The following MAN1C1 variants were observed in gnomAD, a reference collection of about 807,000 sequenced individuals.
MAN1C1 encodes mannosyl-oligosaccharide 1,2-alpha-mannosidase IC.
MAN1C1 carries 49 observed loss-of-function variants against 71.5 expected under a neutral mutation model. The observed-to-expected ratio is 0.69, with a 90% confidence interval of 0.54 to 0.87. The LOEUF (loss-of-function observed/expected upper bound fraction) is 0.87. Among genes scored for constraint, MAN1C1 ranks in the 40% least tolerant of loss-of-function variants. The pLI, the probability that MAN1C1 is intolerant of heterozygous loss-of-function variation, is 0.00. For missense variants in MAN1C1, 743 were observed against 835.0 expected, an observed-to-expected ratio of 0.89 and a Z score of 1.36; for synonymous variants, 352 against 343.7, an observed-to-expected ratio of 1.02 and a Z score of -0.27.
chr1:25,714,140 T>C (rs116078201), intron 2 of MAN1C1, among the ~76,000 whole-genome samples: 99 of 152,296 alleles, frequency 6.5e-4, no homozygotes, highest in African/African-American at 2.3e-3. Context: ...TCTTTTGTCA[T>C]ATGGGCGAAA....
At chr1:25,731,891 A>G (rs2046914379) in intron 2 of MAN1C1, among the ~76,000 whole-genome samples, 1 of 152,064 alleles carries the variant, frequency 6.6e-6, no homozygotes, top group South Asian at 2.1e-4. Flanking sequence ...TTAATTTACT[A>G]TATATTTACT....
intron 1 of MAN1C1, among the ~76,000 whole-genome samples, chr1:25,677,497 C>G (rs991115105): frequency 8.5e-5 from 13 of 152,096 alleles, no homozygotes; most frequent in South Asian, 2.1e-4. Context: ...GGTACAGTTT[C>G]TTTTGGTGCA....
intron 1 of MAN1C1, among the ~76,000 whole-genome samples, chr1:25,620,098 C>T (rs550054122): frequency 6.6e-6 from 1 of 152,312 alleles, no homozygotes; most frequent in Admixed American, 6.5e-5. Context: ...TTGATTCTCC[C>T]TCTCTGTGTA....
chr1:25,654,291 G>A (rs1043146028), intron 1 of MAN1C1: 10 of 152,386 alleles, frequency 6.6e-5, no homozygotes, highest in African/African-American at 1.9e-4. Context: ...TCAAAGATTT[G>A]AAGTCTTGTG....
chr1:25,769,659 TC>T lies in MAN1C1; in HGVS notation c.1142-1996del, dbSNP rs1012685810. Among the ~76,000 whole-genome samples, 11 of 152,074 alleles carry T rather than the reference TC, an allele frequency of 7.2e-5. No individual in the cohort carries two copies. The highest frequency in any genetic ancestry group is 1.0e-4 in the Non-Finnish European group (7 of 68,014). On this transcript the variant is annotated intron_variant, in intron 7 of 11. Transcript: ENST00000374332. This position sits in a 1 kb window ranked among gnomAD's most constrained non-coding sequence, Gnocchi z 4.8. ...ATCCCGGCAGAGCCCAGGCCTCCCT[TC>T]CATTCACCTGCTCAGCACTCCATGG...
chr1:25,706,299 C>G (rs922869667), intron 2 of MAN1C1, among the ~76,000 whole-genome samples: 1 of 152,216 alleles, frequency 6.6e-6, no homozygotes, highest in Non-Finnish European at 1.5e-5. Flanking sequence ...TGAAGGATCA[C>G]AAAGCATTGT....
chr1:25,781,441 G>T (rs1000971445), intron 10 of MAN1C1, among the ~76,000 whole-genome samples: 13 of 152,120 alleles, frequency 8.5e-5, no homozygotes, highest in Middle Eastern at 3.2e-3. Context: ...CGCGGCCACC[G>T]CTGTCCCAAC....
intron 5 of MAN1C1, among the ~76,000 whole-genome samples, chr1:25,756,270 T>C (rs2047284460): frequency 6.6e-6 from 1 of 152,246 alleles, no homozygotes; most frequent in African/African-American, 2.4e-5. Flanking sequence ...TTAACCAACC[T>C]GCCCGAGGTC....
intron 1 of MAN1C1, among the ~76,000 whole-genome samples, chr1:25,626,937 A>G (rs2045303696): frequency 6.6e-6 from 1 of 152,102 alleles, no homozygotes; most frequent in Non-Finnish European, 1.5e-5. Context: ...TGCTTTCTGT[A>G]TCTAGTTTAA....
chr1:25,778,305 C>G lies in MAN1C1; in HGVS notation c.1458C>G (p.His486Gln), dbSNP rs770540764. ...ELAAQITKTC[H>Q]ESYARSDTKL... is the part of the protein sequence containing the mutation. ...CAGCCCAGATCACCAAGACGTGTCA[C>G]GAGTCATACGCCCGCTCAGGTAACC... The change falls in exon 9 of 12, where the codon CAC (histidine) becomes CAG (glutamine). Residue 486 changes from histidine to glutamine, a missense_variant. Transcript: ENST00000374332. This position sits in a 1 kb window ranked among gnomAD's most constrained non-coding sequence, Gnocchi z 5.5. 4 of 1,612,298 alleles carry G rather than the reference C, an allele frequency of 2.5e-6. No homozygotes were observed. The highest frequency in any genetic ancestry group is 3.4e-6 in the Non-Finnish European group (4 of 1,179,060).
chr1:25,641,323 C>G (rs987250415), intron 1 of MAN1C1, among the ~76,000 whole-genome samples: 1 of 152,188 alleles, frequency 6.6e-6, no homozygotes, highest in African/African-American at 2.4e-5. Flanking sequence ...AACCCCAGGT[C>G]CCACCAGTTT....
intron 2 of MAN1C1, among the ~76,000 whole-genome samples, chr1:25,734,090 C>T (rs768321638): frequency 1.8e-4 from 27 of 151,944 alleles, no homozygotes; most frequent in South Asian, 4.2e-4. Context: ...TGAGCCACTG[C>T]GCCCAGCCGA....
chr1:25,641,536 A>G (rs2045537279), intron 1 of MAN1C1, among the ~76,000 whole-genome samples: 1 of 152,218 alleles, frequency 6.6e-6, no homozygotes, highest in Non-Finnish European at 1.5e-5. Context: ...TCTACCCTTT[A>G]TTGCAGTCCG....
Position 25,783,945 on chromosome 1 carries a change from A to AC in MAN1C1, c.*157dup. The AC allele has an allele frequency of 2.0e-6, 2 of 1,013,804 alleles. No homozygotes were observed. Among genetic ancestry groups the AC allele is most frequent in the Non-Finnish European group, 2.8e-6 (2 of 712,332 alleles). 62.8% of individuals were successfully genotyped at this position (1,013,804 alleles called of 1,614,324 possible). On this transcript the variant is annotated 3_prime_UTR_variant, in exon 12 of 12. Coordinates refer to ENST00000374332, the MANE Select transcript of MAN1C1 (RefSeq NM_020379.4). ...GCAACTTCTTTTCCTCTGTGAGGAG[A>AC]CAAGACTTGGAGACTCAGCGATGTC...
intron 2 of MAN1C1, among the ~76,000 whole-genome samples, chr1:25,708,890 GA>G (rs559188262): frequency 1.3e-4 from 19 of 145,080 alleles, no homozygotes; most frequent in East Asian, 1.3e-3. Context: ...GTCAAAAGAA[GA>G]AAAAAAAAAG....
Position 25,758,603 on chromosome 1 carries a change from G to A in MAN1C1, c.941G>A (p.Gly314Asp). ...GVVSFKSGNW[G>D]WATAGSSSIL... The stretch of plus-strand genomic sequence containing the variant: ...TTCTGTCTTTTCAGTGGGAACTGGG[G>A]CTGGGCCACAGCCGGCAGCAGCAGC... The change falls in exon 6 of 12, where the codon GGC becomes GAC. Residue 314 changes from glycine to aspartate, a missense_variant. Gly to Asp is a moderately conservative substitution (Grantham distance 94). Transcript: ENST00000374332. 3.1e-6 allele frequency: 5 copies of A among 1,614,138 alleles called. No homozygotes were observed. In the South Asian group the frequency reaches 5.5e-5, roughly 18 times the overall value.
chr1:25,782,381 G>T lies in MAN1C1; in HGVS notation c.1651-204G>T, dbSNP rs2047707228. Among the ~76,000 whole-genome samples, 1 of 150,958 alleles carries T rather than the reference G, an allele frequency of 6.6e-6. No homozygotes were observed. The highest frequency in any genetic ancestry group is 2.1e-4 in the South Asian group (1 of 4,774). On this transcript the variant is annotated intron_variant, in intron 10 of 11. Transcript: ENST00000374332. The surrounding 1 kb of genome is among the most constrained non-coding windows in gnomAD (Gnocchi z 4.4). Reference sequence around the variant, plus strand: ...CAGAGGTGTGGGTGGAAGGAGTGTGGCCCCTCCAGCCTGGGGACAGGTGGC... The same window carrying T: ...CAGAGGTGTGGGTGGAAGGAGTGTGTCCCCTCCAGCCTGGGGACAGGTGGC...
In MAN1C1 at chr1:25,617,070, G is replaced by A. The variant is rs2045108964; in HGVS notation, c.-728G>A. Among the ~76,000 whole-genome samples the A allele has an allele frequency of 6.6e-6, 1 of 151,850 alleles. No homozygotes were observed. ...CTGCAGCCGCCCAGCCGCGGCTCCG[G>A]ACCCAGGCATCCCTGCGCTGTCTGG... is the stretch of plus-strand genomic sequence containing the variant. On this transcript the variant is annotated 5_prime_UTR_variant, in exon 1 of 12. Transcript: ENST00000374332. This position sits in a 1 kb window ranked among gnomAD's most constrained non-coding sequence, Gnocchi z 5.1.
Position 25,653,439 on chromosome 1 carries a change from C to T in MAN1C1, c.541-33001C>T, listed in dbSNP as rs79845925. On this transcript the variant is annotated intron_variant, in intron 1 of 11. Transcript: ENST00000374332. The stretch of plus-strand genomic sequence containing the variant: ...ATACTGCTGGTCCCTTATTAGGGGC[C>T]TTTATGGTAAACCATCTTTTTGTGT... 9.2e-4 allele frequency among the ~76,000 whole-genome samples: 140 copies of T among 152,278 alleles called. 3 individuals carry two copies. The East Asian group carries it at 0.025, about 27-fold the overall frequency.
Sources: gnomAD v4.1 joint callset for allele counts (sites outside exome capture counted in the v4.1 genomes callset) on GRCh38, gnomAD v4.1.1 for gene constraint, Gnocchi (gnomAD v3.1) non-coding constraint, MANE v1.5 for transcripts, NCBI Gene and HGNC (gene_info 2026-07-23, HGNC 2026-07-21) for gene names.